Variants in ASCC3 observed in about 807,000 individuals in gnomAD.
The protein encoded by ASCC3 is ASC-1 complex subunit P200.
ASCC3 carries 158 observed loss-of-function variants against 256.3 expected under a neutral mutation model. The ratio of observed to expected loss-of-function variants is 0.62; its 90% CI spans 0.54 to 0.70. ASCC3 has a LOEUF of 0.70. ASCC3 is among the 30% of genes least tolerant of loss of function. The pLI is 0.00. For missense variants in ASCC3, 2,259 were observed against 2,626.0 expected (o/e 0.86, Z 3.05); for synonymous variants, 948 against 883.4 (o/e 1.07, Z -1.30).
chr6:100,831,306 T>TAA (rs890562634), intron 4 of ASCC3, among the ~76,000 whole-genome samples: 3 of 150,912 alleles, frequency 2.0e-5, no homozygotes, highest in Non-Finnish European at 2.9e-5. Flanking sequence ...ATTCATACTT[T>TAA]AATGCAACTC....
intron 25 of ASCC3, among the ~76,000 whole-genome samples, chr6:100,631,581 G>A (rs569079743): frequency 3.6e-4 from 54 of 151,628 alleles, no homozygotes; most frequent in African/African-American, 1.3e-3. Context: ...GAGAAAATTA[G>A]GGTTCTGATA....
At chr6:100,863,610 G>A (rs772995174) in intron 3 of ASCC3, among the ~76,000 whole-genome samples, 10 of 151,906 alleles carry the variant, frequency 6.6e-5, no homozygotes, top group Non-Finnish European at 1.0e-4. Flanking sequence ...TGATAGATAC[G>A]GACTGTCTTT....
intron 16 of ASCC3, among the ~76,000 whole-genome samples, chr6:100,661,337 AC>A (rs1776186323): frequency 1.3e-5 from 2 of 151,156 alleles, no homozygotes; most frequent in Non-Finnish European, 1.5e-5. Context: ...ACACACACAC[AC>A]ACACACACAC....
In ASCC3 at chr6:100,625,259, A is replaced by T; in HGVS notation, c.4718T>A (p.Leu1573Ter). The change falls in exon 30 of 42, where the codon TTG becomes TAG. Residue 1573 changes from leucine to a stop codon, truncating the protein, a stop_gained. Transcript: ENST00000369162. LOFTEE classifies it high-confidence loss of function. Reference sequence around the variant, plus strand: ...AGTAGCCAGGAAGGCGATCAATTCCAAAGCAGTAAGACGAGTTTGACGTCT... The same window carrying T: ...AGTAGCCAGGAAGGCGATCAATTCCTAAGCAGTAAGACGAGTTTGACGTCT... ...SSRRQTRLTA[L>*]ELIAFLATEE... The T allele has an allele frequency of 6.2e-7, 1 of 1,613,136 alleles. No homozygotes were observed. Among genetic ancestry groups the T allele is most frequent in the Non-Finnish European group, 8.5e-7 (1 of 1,179,362 alleles).
intron 22 of ASCC3, among the ~76,000 whole-genome samples, chr6:100,644,939 G>C (rs1775307989): frequency 1.3e-5 from 2 of 152,126 alleles, no homozygotes; most frequent in African/African-American, 4.8e-5. Flanking sequence ...AAAAGTTCCT[G>C]GTCTTTGAAT....
Position 100,655,740 on chromosome 6 carries a change from C to T in ASCC3, c.2782G>A (p.Ala928Thr). The stretch of plus-strand genomic sequence containing the variant: ...CTGATGCCATATGCTAATGGATTTG[C>T]TCTCATCCGTACATAAAGATAAGTG... ...SYTYLYVRMR[A>T]NPLAYGISHK... The change falls in exon 17 of 42, where the codon GCA (alanine) becomes ACA (threonine). Residue 928 changes from alanine (A) to threonine (T), a missense_variant. Ala to Thr is a moderately conservative substitution (Grantham distance 58, BLOSUM62 0). This residue lies in a region of ASCC3 where 1,839 missense variants were observed against 2,206.7 expected (regional missense o/e 0.83). Transcript: ENST00000369162. 1 of 1,611,602 alleles carries T rather than the reference C, an allele frequency of 6.2e-7. No homozygotes were observed. The highest frequency in any genetic ancestry group is 8.5e-7 in the Non-Finnish European group (1 of 1,178,966).
chr6:100,868,050 CAAGAT>C lies in ASCC3; in HGVS notation c.-41-17_-41-13del. The C allele has an allele frequency of 7.4e-7, 1 of 1,348,786 alleles. No homozygotes were observed. Among genetic ancestry groups the C allele is most frequent in the Non-Finnish European group, 1.1e-6 (1 of 942,798 alleles). The allele number at this position is 1,348,786 out of a possible 1,614,324, so 83.6% of individuals were successfully genotyped here. On this transcript the variant is annotated splice_polypyrimidine_tract_variant and intron_variant, in intron 1 of 41. Transcript: ENST00000369162. The stretch of plus-strand genomic sequence containing the variant: ...CAAGAAACCTGAAACTGAAACAAAA[CAAGAT>C]GATATTTATCTGTTCGGAAGAGGTG...
intron 4 of ASCC3, among the ~76,000 whole-genome samples, chr6:100,829,707 C>T (rs1399236140): frequency 6.6e-6 from 1 of 152,162 alleles, no homozygotes; most frequent in South Asian, 2.1e-4. Context: ...GAGGAGGTGC[C>T]AAGAGCGAGC....
At chr6:100,610,544 T>C (rs1312837534) in intron 30 of ASCC3, among the ~76,000 whole-genome samples, 1 of 152,148 alleles carries the variant, frequency 6.6e-6, no homozygotes, top group Non-Finnish European at 1.5e-5. Flanking sequence ...AAAAAAGCAC[T>C]GTACAAACTA....
chr6:100,644,006 G>A (rs946961855), intron 23 of ASCC3, 25 bp downstream of exon 23: 38 of 1,447,492 alleles, frequency 2.6e-5, no homozygotes, highest in Non-Finnish European at 3.6e-5. Context: ...AGCAAATAAG[G>A]ATATATTCAC....
chr6:100,520,166 A>T (rs1262448432), intron 37 of ASCC3, among the ~76,000 whole-genome samples: 1 of 152,090 alleles, frequency 6.6e-6, no homozygotes, highest in Non-Finnish European at 1.5e-5. Context: ...TTCAATCTGT[A>T]CTTTACATTG....
chr6:100,580,197 C>T (rs1771139575), intron 36 of ASCC3, among the ~76,000 whole-genome samples: 1 of 151,910 alleles, frequency 6.6e-6, no homozygotes, highest in Admixed American at 6.6e-5. Flanking sequence ...AATGCTAATT[C>T]TTATTTCAGA....
chr6:100,846,381 A>G (rs1416127163), intron 4 of ASCC3, among the ~76,000 whole-genome samples: 3 of 152,232 alleles, frequency 2.0e-5, no homozygotes, highest in Admixed American at 6.5e-5. Flanking sequence ...TCATATACGA[A>G]CAGGAAAACC....
intron 4 of ASCC3, among the ~76,000 whole-genome samples, chr6:100,838,117 A>G (rs184417594): frequency 1.8e-4 from 28 of 152,274 alleles, no homozygotes; most frequent in African/African-American, 6.5e-4. Flanking sequence ...AGTAATAAAC[A>G]GCATACATTA....
chr6:100,629,184 G>C lies in ASCC3; in HGVS notation c.4209-3C>G. 3 of 1,612,196 alleles carry C rather than the reference G, an allele frequency of 1.9e-6. No individual in the cohort carries two copies. The highest frequency in any genetic ancestry group is 2.5e-6 in the Non-Finnish European group (3 of 1,178,830). On this transcript the variant is annotated splice_region_variant and splice_polypyrimidine_tract_variant and intron_variant, in intron 26 of 41. Coordinates refer to ENST00000369162, the MANE Select transcript of ASCC3 (RefSeq NM_006828.4). ...CATCCCCTGTTAGTTCAATAACTCT[G>C]GAGGGAAATATAACAATGATCCCAG...
chr6:100,608,146 C>CATATATATGTATATATAGA (rs1311691741), intron 30 of ASCC3, among the ~76,000 whole-genome samples: 763 of 41,050 alleles, frequency 0.019, 34 homozygotes, highest in African/African-American at 0.051. Context: ...GTATATATAT[C>CATATATATGTATATATAGA]TATATATACA....
chr6:100,819,007 C>T (rs1348533510), intron 4 of ASCC3, among the ~76,000 whole-genome samples: 5 of 152,116 alleles, frequency 3.3e-5, no homozygotes, highest in African/African-American at 1.2e-4. Flanking sequence ...GAGTTCATGT[C>T]CTTTGCAGGG....
At chr6:100,743,020 G>C (rs1383101462) in intron 10 of ASCC3, among the ~76,000 whole-genome samples, 1 of 152,206 alleles carries the variant, frequency 6.6e-6, no homozygotes, top group Non-Finnish European at 1.5e-5. Context: ...GTGTGCCTGA[G>C]TGGCTGCTCT....
chr6:100,671,864 A>C (rs1408463374), intron 14 of ASCC3, among the ~76,000 whole-genome samples: 1 of 152,152 alleles, frequency 6.6e-6, no homozygotes, highest in African/African-American at 2.4e-5. Context: ...ATTTTTAAAA[A>C]ACTGGTAGCA....
Sources: gnomAD v4.1 joint callset for allele counts (sites outside exome capture counted in the v4.1 genomes callset) on GRCh38, gnomAD v4.1.1 for gene constraint, gnomAD v4.1.1 regional missense constraint, MANE v1.5 for transcripts, NCBI Gene and HGNC (gene_info 2026-07-23, HGNC 2026-07-21) for gene names.